The following CFAP47 variants were observed in gnomAD, a reference collection of about 807,000 sequenced individuals.
CFAP47 encodes the protein cilia and flagella associated protein 47, also known as cilia- and flagella-associated protein 47.
Under a neutral mutation model 148.1 loss-of-function variants are expected in CFAP47, and 29 were observed. The ratio of observed to expected loss-of-function variants is 0.20; its 90% CI spans 0.15 to 0.27. The LOEUF (loss-of-function observed/expected upper bound fraction) is 0.27, where lower values mean the gene tolerates loss of function less well. CFAP47 is among the 10% of genes least tolerant of loss of function. The probability of loss-of-function intolerance (pLI) is 1.00; values close to 1 mark genes in which losing one functional copy is unlikely to be tolerated. For synonymous variants in CFAP47, 664 were observed against 577.3 expected (o/e 1.15, Z -2.15); for missense variants, 1,872 against 1,697.5 (o/e 1.10, Z -1.81).
chrX:36,280,001 G>T (rs1379028510), intron 49 of CFAP47, among the ~76,000 whole-genome samples: 4 of 110,962 alleles, frequency 3.6e-5, no homozygotes, highest in Non-Finnish European at 7.5e-5. Context: ...ACTGTGCCTG[G>T]CCTCACTAAT....
chrX:36,135,811 A>G, intron 33 of CFAP47, among the ~76,000 whole-genome samples: 1 of 111,908 alleles, frequency 8.9e-6, no homozygotes, highest in South Asian at 3.7e-4. Context: ...GTAATTTTAT[A>G]AAATCAACCA....
chrX:36,174,427 A>C (rs1203162871), intron 39 of CFAP47, among the ~76,000 whole-genome samples: 6 of 110,380 alleles, frequency 5.4e-5, no homozygotes, highest in Admixed American at 4.8e-4. Flanking sequence ...ATGATTTTGC[A>C]GCAGCTGGTA....
At chrX:36,247,238 C>T (rs1425618761) in intron 48 of CFAP47, among the ~76,000 whole-genome samples, 1 of 110,446 alleles carries the variant, frequency 9.1e-6, no homozygotes, top group Non-Finnish European at 1.9e-5. Context: ...TACACATGGA[C>T]ATAGAGATAG....
chrX:36,203,356 C>T (rs1555988361), intron 44 of CFAP47, among the ~76,000 whole-genome samples: 3 of 111,167 alleles, frequency 2.7e-5, no homozygotes. Context: ...TTTTTCAATT[C>T]ATTTTCTTCA....
chrX:35,947,959 A>T (rs1456551290), intron 3 of CFAP47, among the ~76,000 whole-genome samples: 1 of 111,705 alleles, frequency 9.0e-6, no homozygotes, highest in Non-Finnish European at 1.9e-5. Flanking sequence ...TGGACTTACA[A>T]TTAAAGCTTT....
At chrX:36,120,518 G>A (rs755431129) in intron 33 of CFAP47, among the ~76,000 whole-genome samples, 20 of 110,637 alleles carry the variant, frequency 1.8e-4, no homozygotes, top group East Asian at 1.7e-3. Flanking sequence ...GAAATTCTCC[G>A]TTACTACTAT....
intron 45 of CFAP47, among the ~76,000 whole-genome samples, chrX:36,213,141 TTCTC>T (rs1555989717): frequency 9.0e-6 from 1 of 111,418 alleles, no homozygotes; most frequent in Non-Finnish European, 1.9e-5. Context: ...AAAAGCCTAT[TTCTC>T]TCTTTAATTC....
chrX:36,348,035 A>T (rs1224363629), intron 57 of CFAP47, 94 bp from the exon 58 acceptor site: 4 of 445,429 alleles, frequency 9.0e-6, no homozygotes, highest in Non-Finnish European at 1.3e-5. Context: ...AAAAATTGAT[A>T]ATCAGTAATC....
Position 36,368,574 on chromosome X carries a change from A to G in CFAP47, c.9185+1447A>G, listed in dbSNP as rs1001046750. ...GTGGATATTGGACTATATGACCTGG[A>G]ATTTCTCTTACAGTTTGAAAATATG... On this transcript the variant is annotated intron_variant, in intron 62 of 63. Transcript: ENST00000378653. Among the ~76,000 whole-genome samples, 26 of 111,500 alleles carry G rather than the reference A, an allele frequency of 2.3e-4. No homozygotes were observed. In the Admixed American group the frequency reaches 2.4e-3, roughly 10 times the overall value.
chrX:36,185,586 CATAAG>C (rs1939797851), intron 40 of CFAP47, among the ~76,000 whole-genome samples: 1 of 112,073 alleles, frequency 8.9e-6, no homozygotes, highest in Admixed American at 9.5e-5. Flanking sequence ...TTTCTAAACA[CATAAG>C]ATAAGATGTA....
chrX:36,299,254 C>T, intron 52 of CFAP47, 102 bp downstream of exon 52: 1 of 501,022 alleles, frequency 2.0e-6, no homozygotes, highest in Non-Finnish European at 2.9e-6. Flanking sequence ...TACACTTGCT[C>T]ATAGTTTTAA....
Position 35,989,341 on chromosome X carries a change from A to C in CFAP47, c.2736A>C (p.Ser912=), listed in dbSNP as rs761644965. 8.3e-7 allele frequency: 1 copy of C among 1,205,946 alleles called. No homozygotes were observed. The highest frequency in any genetic ancestry group is 2.2e-5 in the Admixed American group (1 of 46,046). ...TAGGCACTGTTGAAGCATATTCCTCACTGGAATGTGAAGTAACTTGGCAGC... is the reference window on the plus strand; with the variant it reads ...TAGGCACTGTTGAAGCATATTCCTCCCTGGAATGTGAAGTAACTTGGCAGC... ...PAKGTVEAYS[S]LECEVTWQQG... The change falls in exon 16 of 64, where the codon TCA becomes TCC. Residue 912 remains serine, a synonymous_variant. Coordinates refer to ENST00000378653, the MANE Select transcript of CFAP47 (RefSeq NM_001304548.2).
intron 57 of CFAP47, among the ~76,000 whole-genome samples, chrX:36,339,083 A>G (rs985955967): frequency 4.4e-5 from 5 of 112,444 alleles, no homozygotes; most frequent in Non-Finnish European, 9.4e-5. Flanking sequence ...CACAACACAT[A>G]AGTATTTTCT....
intron 33 of CFAP47, among the ~76,000 whole-genome samples, chrX:36,106,499 A>G (rs1319452185): frequency 8.9e-6 from 1 of 111,858 alleles, no homozygotes; most frequent in East Asian, 2.8e-4. Context: ...GGCAGGTTCT[A>G]TGTCTGATAA....
At chrX:36,112,303 C>CT (rs200714607) in intron 33 of CFAP47, among the ~76,000 whole-genome samples, 1,135 of 111,705 alleles carry the variant, frequency 0.01, 10 homozygotes, top group African/African-American at 0.035. Flanking sequence ...TATGTTGTAT[C>CT]TTTTTTCTCA....
intron 38 of CFAP47, among the ~76,000 whole-genome samples, chrX:36,159,979 T>G (rs185555636): frequency 2.2e-4 from 25 of 112,258 alleles, no homozygotes; most frequent in African/African-American, 8.1e-4. Context: ...TGTGACATTA[T>G]TGTGATTGAC....
At chrX:36,029,148 C>T (rs1937254063) in intron 22 of CFAP47, among the ~76,000 whole-genome samples, 1 of 110,682 alleles carries the variant, frequency 9.0e-6, no homozygotes, top group Non-Finnish European at 1.9e-5. Flanking sequence ...TCCATTTCCT[C>T]TAGATTTTCT....
At chrX:36,183,606 A>T (rs1939774559) in intron 40 of CFAP47, among the ~76,000 whole-genome samples, 1 of 111,931 alleles carries the variant, frequency 8.9e-6, no homozygotes, top group South Asian at 3.7e-4. Context: ...ATAATGATAG[A>T]CTCGTCTACT....
chrX:36,321,497 A>C (rs137930889), intron 57 of CFAP47, among the ~76,000 whole-genome samples: 1 of 111,516 alleles, frequency 9.0e-6, no homozygotes, highest in African/African-American at 3.3e-5. Flanking sequence ...AAATAATTTA[A>C]TTGTACATTT....
Sources: allele counts gnomAD v4.1 joint callset (sites outside exome capture counted in the v4.1 genomes callset), GRCh38; gene constraint gnomAD v4.1.1; transcripts MANE v1.5; gene names NCBI Gene and HGNC (gene_info 2026-07-23, HGNC 2026-07-21).